Variants in TNFRSF11B observed in about 807,000 individuals in gnomAD.
The protein encoded by TNFRSF11B is TNF receptor superfamily member 11b.
Under a neutral mutation model 43.4 loss-of-function variants are expected in TNFRSF11B, and 16 were observed. The observed-to-expected ratio is 0.37, with a 90% CI of 0.25 to 0.56. The LOEUF (loss-of-function observed/expected upper bound fraction) is 0.56, where lower values mean the gene tolerates loss of function less well. TNFRSF11B is among the 20% of genes least tolerant of loss of function. TNFRSF11B has a pLI of 0.80. For synonymous variants in TNFRSF11B, 185 were observed against 181.8 expected (o/e 1.02, Z -0.14); for missense variants, 444 against 490.1 (o/e 0.91, Z 0.89).
chr8:118,951,795 G>C lies in TNFRSF11B; in HGVS notation c.27C>G (p.Leu9=), dbSNP rs1234960394. 5 of 1,592,348 alleles carry C rather than the reference G, an allele frequency of 3.1e-6. No individual in the cohort carries two copies. Among genetic ancestry groups the C allele is most frequent in the East Asian group, 4.6e-5 (2 of 43,608 alleles). ...GTCGGCTGGCCCAGGGACTTACCAC[G>C]AGCGCGCAGCACAGCAAGTTGTTCA... MNNLLCCA[L]VFLDISIKWT... The change falls in exon 1 of 5, where the codon CTC becomes CTG. Residue 9 remains leucine (L), a synonymous_variant. Transcript: ENST00000297350.
intron 2 of TNFRSF11B, chr8:118,930,627 G>A: frequency 3.0e-6 from 1 of 334,734 alleles, no homozygotes; most frequent in East Asian, 8.4e-5. Context: ...GGCCAGGCTG[G>A]TCTTGAACTC....
Position 118,946,833 on chromosome 8 carries a change from A to G in TNFRSF11B, c.30+4959T>C, listed in dbSNP as rs994082078. 9.2e-5 allele frequency among the ~76,000 whole-genome samples: 14 copies of G among 152,196 alleles called. No individual in the cohort carries two copies. In the East Asian group the frequency reaches 2.7e-3, roughly 29 times the overall value. ...TAAAATATTTTATATCTAAATGCCT[A>G]CTTGACATCTCTGAGACATGTTACA... is the stretch of plus-strand genomic sequence containing the variant. On this transcript the variant is annotated intron_variant, in intron 1 of 4. Coordinates refer to ENST00000297350, the MANE Select transcript of TNFRSF11B (RefSeq NM_002546.4).
intron 3 of TNFRSF11B, among the ~76,000 whole-genome samples, 174 bp downstream of exon 3, chr8:118,928,564 G>GAGAA (rs532429793): frequency 3.7e-4 from 57 of 152,176 alleles, no homozygotes; most frequent in Non-Finnish European, 7.3e-4. Flanking sequence ...GTTTTTGAGA[G>GAGAA]ATTCTGAGTG....
chr8:118,928,156 G>C (rs1475962866), intron 3 of TNFRSF11B, among the ~76,000 whole-genome samples: 1 of 151,952 alleles, frequency 6.6e-6, no homozygotes, highest in Non-Finnish European at 1.5e-5. Context: ...TGAGTAGCTG[G>C]TACTAGAAGT....
intron 1 of TNFRSF11B, among the ~76,000 whole-genome samples, chr8:118,940,356 A>G (rs1812468224): frequency 6.6e-6 from 1 of 152,220 alleles, no homozygotes; most frequent in African/African-American, 2.4e-5. Flanking sequence ...TAAATGGGTA[A>G]GATCTGAAAA....
chr8:118,946,988 G>C (rs565287602), intron 1 of TNFRSF11B, among the ~76,000 whole-genome samples: 1 of 152,086 alleles, frequency 6.6e-6, no homozygotes, highest in Non-Finnish European at 1.5e-5. Context: ...CAACTGGATG[G>C]GAAGGCCAGA....
intron 2 of TNFRSF11B, chr8:118,929,138 C>A: frequency 3.4e-6 from 2 of 583,824 alleles, no homozygotes; most frequent in Non-Finnish European, 6.1e-6. Flanking sequence ...CCTTGTAATG[C>A]AAATGCAAGT....
intron 1 of TNFRSF11B, among the ~76,000 whole-genome samples, chr8:118,942,245 C>T (rs10611942): frequency 0.58 from 79,850 of 136,928 alleles, 24,224 homozygotes; most frequent in African/African-American, 0.79. Flanking sequence ...CAGGCCCCCC[C>T]GTGTGTGATG....
At position 118,924,340 on chromosome 8, in the gene TNFRSF11B, A is replaced by G; in HGVS notation, c.*34T>C. 1 of 1,612,926 alleles carries G rather than the reference A, an allele frequency of 6.2e-7. No individual in the cohort carries two copies. The highest frequency in any genetic ancestry group is 8.5e-7 in the Non-Finnish European group (1 of 1,179,564). On this transcript the variant is annotated 3_prime_UTR_variant, in exon 5 of 5. Coordinates refer to ENST00000297350, the MANE Select transcript of TNFRSF11B (RefSeq NM_002546.4). The stretch of plus-strand genomic sequence containing the variant: ...GTTTACTCATCCATGGGATCTCGCC[A>G]ATTGTGAGGAAACAGCTCAATGGCC...
intron 3 of TNFRSF11B, among the ~76,000 whole-genome samples, chr8:118,927,123 G>A (rs1440069077): frequency 6.6e-6 from 1 of 152,196 alleles, no homozygotes. Flanking sequence ...AATTTGAACA[G>A]TAATTTGGAA....
chr8:118,942,082 A>G (rs1012497950), intron 1 of TNFRSF11B, among the ~76,000 whole-genome samples: 5 of 152,090 alleles, frequency 3.3e-5, no homozygotes, highest in African/African-American at 7.2e-5. Context: ...CAATTTTTGA[A>G]TTATACTTTA....
chr8:118,929,236 G>A (rs1455142480), intron 2 of TNFRSF11B, among the ~76,000 whole-genome samples: 1 of 152,240 alleles, frequency 6.6e-6, no homozygotes, highest in Non-Finnish European at 1.5e-5. Flanking sequence ...CCTCCGCTGA[G>A]TGGCAGTAAG....
At chr8:118,935,177 G>A (rs11573897) in intron 1 of TNFRSF11B, among the ~76,000 whole-genome samples, 5,558 of 152,230 alleles carry the variant, frequency 0.037, 165 homozygotes, top group East Asian at 0.17. Flanking sequence ...TCTAGTGAAA[G>A]CATCTTCTTG....
At chr8:118,927,730 G>T (rs1222968617) in intron 3 of TNFRSF11B, among the ~76,000 whole-genome samples, 1 of 151,956 alleles carries the variant, frequency 6.6e-6, no homozygotes, top group African/African-American at 2.4e-5. Context: ...AGTCAAGCTG[G>T]TTTATACCAT....
intron 1 of TNFRSF11B, among the ~76,000 whole-genome samples, chr8:118,948,792 CAAAA>C (rs35629647): frequency 7.6e-4 from 114 of 150,134 alleles, no homozygotes; most frequent in Non-Finnish European, 1.1e-3. Context: ...AACAAACAAA[CAAAA>C]AAAAACTTAA....
chr8:118,946,019 A>G (rs1812556349), intron 1 of TNFRSF11B, among the ~76,000 whole-genome samples: 1 of 152,154 alleles, frequency 6.6e-6, no homozygotes, highest in African/African-American at 2.4e-5. Flanking sequence ...AAATCTAGAG[A>G]GGTGAATTTT....
chr8:118,942,123 G>T (rs990084862), intron 1 of TNFRSF11B, among the ~76,000 whole-genome samples: 1 of 152,008 alleles, frequency 6.6e-6, no homozygotes, highest in Admixed American at 6.6e-5. Context: ...CAACATGCAG[G>T]TTTGTTGCAT....
chr8:118,948,626 G>T (rs181685665), intron 1 of TNFRSF11B, among the ~76,000 whole-genome samples: 266 of 152,154 alleles, frequency 1.7e-3, no homozygotes, highest in Non-Finnish European at 1.9e-3. Flanking sequence ...TTTGAAACTA[G>T]ATTGAAATTA....
chr8:118,932,833 A>ATTTTG, intron 2 of TNFRSF11B, 98 bp downstream of exon 2: 1 of 1,524,954 alleles, frequency 6.6e-7, no homozygotes, highest in Non-Finnish European at 9.0e-7. Context: ...GCAATTTGCT[A>ATTTTG]TCCTATAATG....
Sources: allele counts gnomAD v4.1 joint callset (sites outside exome capture counted in the v4.1 genomes callset), GRCh38; gene constraint gnomAD v4.1.1; transcripts MANE v1.5; gene names NCBI Gene and HGNC (gene_info 2026-07-23, HGNC 2026-07-21).